Variants in PCDH9 observed in about 807,000 individuals in gnomAD.
PCDH9 encodes the protein protocadherin-9.
In PCDH9, 24 loss-of-function variants were observed where a neutral mutation model predicts 70.6. The observed-to-expected ratio is 0.34, with a 90% CI of 0.25 to 0.48. The LOEUF (loss-of-function observed/expected upper bound fraction) is 0.48, where lower values mean the gene tolerates loss of function less well. Among genes scored for constraint, PCDH9 ranks in the 20% least tolerant of loss-of-function variants. The pLI is 0.99. For synonymous variants in PCDH9, 562 were observed against 558.5 expected (o/e 1.01, Z -0.09); for missense variants, 1,281 against 1,503.6 (o/e 0.85, Z 2.45).
At chr13:66,936,314 G>T (rs1173817168) in intron 2 of PCDH9, among the ~76,000 whole-genome samples, 1 of 152,156 alleles carries the variant, frequency 6.6e-6, no homozygotes, top group Non-Finnish European at 1.5e-5. Context: ...TAATTTGAAA[G>T]CCTGTAGTAT....
intron 4 of PCDH9, among the ~76,000 whole-genome samples, chr13:66,485,108 G>A (rs1045867515): frequency 3.3e-5 from 5 of 152,130 alleles, no homozygotes; most frequent in African/African-American, 1.2e-4. Flanking sequence ...TAAATTCTAA[G>A]GTGTTCGGTA....
intron 2 of PCDH9, among the ~76,000 whole-genome samples, chr13:67,101,683 C>A (rs769769997): frequency 6.6e-6 from 1 of 152,180 alleles, no homozygotes; most frequent in Admixed American, 6.5e-5. Context: ...GTAACTATCA[C>A]TCAATGAGTA....
chr13:66,411,850 G>C (rs1001092865), intron 4 of PCDH9, among the ~76,000 whole-genome samples: 7 of 152,258 alleles, frequency 4.6e-5, no homozygotes, highest in African/African-American at 1.7e-4. Flanking sequence ...ACTTATGAAT[G>C]TACCAAAGAA....
intron 4 of PCDH9, among the ~76,000 whole-genome samples, chr13:66,586,028 CAA>C (rs1413140184): frequency 6.6e-6 from 1 of 152,134 alleles, no homozygotes; most frequent in African/African-American, 2.4e-5. Context: ...CCACATCAAA[CAA>C]AGACCTTATT....
intron 4 of PCDH9, among the ~76,000 whole-genome samples, chr13:66,553,477 A>G (rs2138685809): frequency 6.6e-6 from 1 of 152,308 alleles, no homozygotes; most frequent in South Asian, 2.1e-4. Flanking sequence ...TTGTTTTGAA[A>G]AGTGGCTTTA....
intron 2 of PCDH9, among the ~76,000 whole-genome samples, chr13:66,909,881 A>AGTGGGTTT (rs1157719078): frequency 1.3e-5 from 2 of 152,150 alleles, no homozygotes; most frequent in South Asian, 2.1e-4. Flanking sequence ...ACCCTGACAC[A>AGTGGGTTT]TGTTCCTACC....
intron 2 of PCDH9, among the ~76,000 whole-genome samples, chr13:67,152,245 T>C (rs2087681405): frequency 1.3e-5 from 2 of 152,186 alleles, no homozygotes; most frequent in South Asian, 4.1e-4. Flanking sequence ...AGTGAACTAA[T>C]GAATTACAAT....
intron 4 of PCDH9, among the ~76,000 whole-genome samples, chr13:66,434,034 A>G (rs184432071): frequency 5.8e-4 from 88 of 152,048 alleles, no homozygotes; most frequent in African/African-American, 2.1e-3. Flanking sequence ...AAATACAGTG[A>G]TGTTGATGGA....
intron 4 of PCDH9, among the ~76,000 whole-genome samples, chr13:66,396,147 AAGAATC>A (rs1160003535): frequency 2.0e-5 from 3 of 152,196 alleles, no homozygotes; most frequent in African/African-American, 7.2e-5. Context: ...TAGGGATGTT[AAGAATC>A]AGAATTATCC....
At chr13:66,958,088 G>C (rs2139718014) in intron 2 of PCDH9, among the ~76,000 whole-genome samples, 1 of 152,268 alleles carries the variant, frequency 6.6e-6, no homozygotes, top group South Asian at 2.1e-4. Context: ...TATACATAAA[G>C]GTATGTTCAA....
chr13:67,027,078 T>C (rs9529171), intron 2 of PCDH9, among the ~76,000 whole-genome samples: 56,499 of 151,582 alleles, frequency 0.37, 10,872 homozygotes, highest in Middle Eastern at 0.47. Flanking sequence ...AAAGTTCATA[T>C]GGAACCAAAA....
At chr13:66,496,367 T>C (rs558202926) in intron 4 of PCDH9, among the ~76,000 whole-genome samples, 76 of 152,302 alleles carry the variant, frequency 5.0e-4, no homozygotes, top group African/African-American at 1.8e-3. Flanking sequence ...CAAGCACATT[T>C]TCATGTAGCT....
intron 3 of PCDH9, among the ~76,000 whole-genome samples, chr13:66,831,509 C>T (rs1267095129): frequency 1.3e-5 from 2 of 152,056 alleles, no homozygotes; most frequent in Admixed American, 6.5e-5. Flanking sequence ...GGAAGTGAGT[C>T]AGGAAGATGA....
intron 4 of PCDH9, among the ~76,000 whole-genome samples, chr13:66,354,484 G>T (rs1956346190): frequency 6.6e-6 from 1 of 151,734 alleles, no homozygotes; most frequent in South Asian, 2.1e-4. Context: ...ATCTAATTTT[G>T]CCTCTCTGTT....
intron 2 of PCDH9, among the ~76,000 whole-genome samples, chr13:66,976,577 TG>T (rs2083624962): frequency 2.0e-5 from 3 of 152,130 alleles, no homozygotes; most frequent in African/African-American, 7.2e-5. Context: ...AATATTTTAC[TG>T]GGAGTAGCAA....
At chr13:66,637,553 A>G (rs1332370246) in intron 3 of PCDH9, among the ~76,000 whole-genome samples, 1 of 152,192 alleles carries the variant, frequency 6.6e-6, no homozygotes, top group Non-Finnish European at 1.5e-5. Flanking sequence ...TATTGGAAGT[A>G]CTTATGTTAA....
At chr13:66,317,780 G>A (rs1452431632) in intron 4 of PCDH9, among the ~76,000 whole-genome samples, 2 of 151,476 alleles carry the variant, frequency 1.3e-5, no homozygotes, top group Non-Finnish European at 3.0e-5. Context: ...AAACTTAAAA[G>A]TAGTTTAGAT....
chr13:66,837,775 A>G (rs17081917), intron 3 of PCDH9, among the ~76,000 whole-genome samples: 4,835 of 152,222 alleles, frequency 0.032, 255 homozygotes, highest in African/African-American at 0.11. Context: ...TTGTGTAACT[A>G]TGAGGTATTG....
chr13:66,747,611 A>G (rs1445368423), intron 3 of PCDH9, among the ~76,000 whole-genome samples: 2 of 152,158 alleles, frequency 1.3e-5, no homozygotes, highest in Non-Finnish European at 2.9e-5. Context: ...TTTCTTCCAA[A>G]AATGTGTGTA....
Sources: allele counts gnomAD v4.1 joint callset (sites outside exome capture counted in the v4.1 genomes callset), GRCh38; gene constraint gnomAD v4.1.1; transcripts MANE v1.5; gene names NCBI Gene and HGNC (gene_info 2026-07-23, HGNC 2026-07-21).